PTPRQ: variants seen among roughly 807,000 people sequenced by gnomAD.
The protein encoded by PTPRQ is protein tyrosine phosphatase receptor type Q, also known as phosphatidylinositol phosphatase PTPRQ.
In PTPRQ, 199 loss-of-function variants were observed where a neutral mutation model predicts 246.0. The observed-to-expected ratio is 0.81, with a 90% CI of 0.72 to 0.91. The LOEUF is 0.91. Ranked by LOEUF, PTPRQ falls within the 40% of genes least tolerant of loss-of-function variation. PTPRQ has a pLI of 0.00. For missense variants in PTPRQ, 2,624 were observed against 2,528.4 expected, an observed-to-expected ratio of 1.04 and a Z score of -0.81; for synonymous variants, 869 against 853.2, an observed-to-expected ratio of 1.02 and a Z score of -0.32.
chr12:80,492,303 G>A (rs1258610137), intron 9 of PTPRQ, among the ~76,000 whole-genome samples: 1 of 151,804 alleles, frequency 6.6e-6, no homozygotes. Context: ...TGACCACAAT[G>A]AACAAAATTA....
At chr12:80,447,900 T>A (rs1892602789) in intron 3 of PTPRQ, among the ~76,000 whole-genome samples, 1 of 152,128 alleles carries the variant, frequency 6.6e-6, no homozygotes, top group Admixed American at 6.6e-5. Flanking sequence ...TTTGGTTTCA[T>A]ATGAACTTTA....
chr12:80,599,678 A>G (rs1898079640), intron 26 of PTPRQ, among the ~76,000 whole-genome samples: 1 of 151,628 alleles, frequency 6.6e-6, no homozygotes, highest in Non-Finnish European at 1.5e-5. Flanking sequence ...AAGATACCTA[A>G]AATAATTTTA....
intron 42 of PTPRQ, among the ~76,000 whole-genome samples, chr12:80,671,847 A>T (rs994672528): frequency 5.3e-5 from 8 of 151,986 alleles, no homozygotes; most frequent in African/African-American, 1.9e-4. Context: ...TTCCACATCT[A>T]ACCCACCAGC....
At chr12:80,447,166 G>A (rs1165756438) in intron 3 of PTPRQ, among the ~76,000 whole-genome samples, 2 of 151,872 alleles carry the variant, frequency 1.3e-5, no homozygotes, top group East Asian at 3.9e-4. Context: ...CTAATGTTGA[G>A]CATTTTTTAT....
intron 25 of PTPRQ, among the ~76,000 whole-genome samples, chr12:80,552,453 TG>T (rs544094728): frequency 4.2e-4 from 64 of 151,598 alleles, no homozygotes; most frequent in Non-Finnish European, 9.1e-4. Context: ...GATACTAGGT[TG>T]GTGCAAAAGT....
intron 9 of PTPRQ, among the ~76,000 whole-genome samples, chr12:80,486,727 A>C (rs917057757): frequency 1.3e-5 from 2 of 152,098 alleles, no homozygotes; most frequent in Non-Finnish European, 2.9e-5. Flanking sequence ...CTTCTGAAAA[A>C]GTAGCCTCAT....
At position 80,679,019 on chromosome 12, in the gene PTPRQ, T is replaced by C. The variant is rs1295368044; in HGVS notation, c.6896T>C (p.Met2299Thr). ...GAGCTTGAATGGGAAGAAACCACTA[T>C]GTAAATATTCAGACCAAAGGATACA... ...DVELEWEETT[M>T] is the part of the protein sequence containing the mutation. Residue 2299 changes from methionine (M) to threonine (T), a missense_variant, in exon 45 of 45, where the codon ATG becomes ACG. By Grantham distance (81) the Met-to-Thr change is moderately conservative (BLOSUM62 -1). Transcript: ENST00000644991. 4.5e-6 allele frequency: 7 copies of C among 1,548,084 alleles called. No homozygotes were observed. In the South Asian group the frequency reaches 8.4e-5, roughly 19 times the overall value.
chr12:80,494,283 A>C (rs1034239549), intron 10 of PTPRQ, among the ~76,000 whole-genome samples: 3 of 151,986 alleles, frequency 2.0e-5, no homozygotes, highest in Admixed American at 2.0e-4. Context: ...CCTAATTGCT[A>C]CTTAAGAGTT....
chr12:80,658,344 G>A (rs919621609), intron 39 of PTPRQ, among the ~76,000 whole-genome samples: 4 of 151,990 alleles, frequency 2.6e-5, no homozygotes, highest in African/African-American at 9.7e-5. Context: ...CTTTGTTAAT[G>A]TATTCTCCAT....
At chr12:80,619,910 A>G (rs535471557) in intron 31 of PTPRQ, among the ~76,000 whole-genome samples, 1 of 151,446 alleles carries the variant, frequency 6.6e-6, no homozygotes, top group South Asian at 2.1e-4. Flanking sequence ...CAAGTGAGTT[A>G]CTCTTGATTG....
chr12:80,466,633 A>T (rs1460507442), intron 6 of PTPRQ, among the ~76,000 whole-genome samples: 2 of 152,192 alleles, frequency 1.3e-5, no homozygotes, highest in African/African-American at 4.8e-5. Flanking sequence ...TAACCAAAAC[A>T]GAATGGTACT....
intron 13 of PTPRQ, 42 bp downstream of exon 13, chr12:80,496,148 G>A: frequency 6.5e-7 from 1 of 1,544,120 alleles, no homozygotes; most frequent in East Asian, 2.4e-5. Context: ...TAAAAAAGTG[G>A]TTGTAAATGC....
At chr12:80,580,645 G>C (rs927231659) in intron 25 of PTPRQ, among the ~76,000 whole-genome samples, 24 of 152,160 alleles carry the variant, frequency 1.6e-4, no homozygotes, top group Admixed American at 1.4e-3. Flanking sequence ...TTGTCTACAA[G>C]TTATACCATA....
In PTPRQ at chr12:80,597,144, C is replaced by T. The variant is rs1897996049; in HGVS notation, c.4610-7915C>T. 3.3e-5 allele frequency among the ~76,000 whole-genome samples: 5 copies of T among 151,876 alleles called. No individual in the cohort carries two copies. In the South Asian group the frequency reaches 1.0e-3, roughly 31 times the overall value. On this transcript the variant is annotated intron_variant, in intron 26 of 44. Coordinates refer to ENST00000644991, the MANE Select transcript of PTPRQ (RefSeq NM_001145026.2). ...AATTGAGTGAGAATTTTGACATGCA[C>T]CTCAAAATTATACTTTTGAGGTTTC...
At chr12:80,550,396 C>G (rs966016572) in intron 25 of PTPRQ, among the ~76,000 whole-genome samples, 2 of 152,122 alleles carry the variant, frequency 1.3e-5, no homozygotes. Context: ...CATCCAGACC[C>G]TTTATCTTGG....
Position 80,679,669 on chromosome 12 carries a change from G to A in PTPRQ, c.*646G>A, listed in dbSNP as rs531431892. ...GATCTTCAGTTTGAGAACCTTAAAA[G>A]AAAAATTAAAAGTGCAATTGCACAC... On this transcript the variant is annotated 3_prime_UTR_variant, in exon 45 of 45. Coordinates refer to ENST00000644991, the MANE Select transcript of PTPRQ (RefSeq NM_001145026.2). 8.6e-5 allele frequency: 13 copies of A among 151,974 alleles called. No individual in the cohort carries two copies. Among genetic ancestry groups the A allele is most frequent in the African/African-American group, 3.1e-4 (13 of 41,486 alleles). 9.4% of individuals were successfully genotyped at this position (151,974 alleles called of 1,614,324 possible). A position where few individuals can be genotyped will look rare whatever the true frequency, so the allele number is the denominator to read the frequency against.
intron 24 of PTPRQ, chr12:80,546,937 G>C: frequency 2.7e-6 from 1 of 368,472 alleles, no homozygotes; most frequent in East Asian, 5.2e-5. Flanking sequence ...TAAAATAGTA[G>C]TTTGGGAACA....
chr12:80,590,144 ATTAT>A (rs1334594359), intron 26 of PTPRQ, among the ~76,000 whole-genome samples: 3 of 152,134 alleles, frequency 2.0e-5, no homozygotes, highest in Middle Eastern at 3.2e-3. Flanking sequence ...TTCTCATATC[ATTAT>A]TTATCTGTTT....
chr12:80,635,622 G>A (rs968639235), intron 35 of PTPRQ, among the ~76,000 whole-genome samples: 26 of 151,900 alleles, frequency 1.7e-4, no homozygotes, highest in African/African-American at 6.3e-4. Context: ...AAAAACATGT[G>A]TACTAAATAT....
Sources: gnomAD v4.1 joint callset for allele counts (sites outside exome capture counted in the v4.1 genomes callset) on GRCh38, gnomAD v4.1.1 for gene constraint, MANE v1.5 for transcripts, NCBI Gene and HGNC (gene_info 2026-07-23, HGNC 2026-07-21) for gene names.